The following RIMS1 variants were observed in gnomAD, a reference collection of about 807,000 sequenced individuals.
RIMS1 encodes the protein regulating synaptic membrane exocytosis 1.
RIMS1 carries 83 observed loss-of-function variants against 214.1 expected under a neutral mutation model. The ratio of observed to expected loss-of-function variants is 0.39; its 90% CI spans 0.32 to 0.47. RIMS1 has a LOEUF of 0.47. Among genes scored for constraint, RIMS1 ranks in the 20% least tolerant of loss-of-function variants. The probability of loss-of-function intolerance (pLI) is 0.99; values close to 1 mark genes in which losing one functional copy is unlikely to be tolerated. For synonymous variants in RIMS1, 793 were observed against 786.8 expected (o/e 1.01, Z -0.13); for missense variants, 2,050 against 2,161.8 (o/e 0.95, Z 1.03).
chr6:72,291,816 C>G, intron 25 of RIMS1, 118 bp from the exon 26 acceptor site: 1 of 746,492 alleles, frequency 1.3e-6, no homozygotes, highest in Non-Finnish European at 2.4e-6. Flanking sequence ...GATTCTGCTC[C>G]CATTGGCCCA....
chr6:72,200,395 G>C (rs2051730148), intron 6 of RIMS1, among the ~76,000 whole-genome samples: 1 of 152,022 alleles, frequency 6.6e-6, no homozygotes, highest in Admixed American at 6.6e-5. Flanking sequence ...CATCTGCCCT[G>C]GGCCCTTTCC....
chr6:72,063,053 T>C (rs1010492503), intron 2 of RIMS1, among the ~76,000 whole-genome samples: 3 of 151,932 alleles, frequency 2.0e-5, no homozygotes, highest in Non-Finnish European at 2.9e-5. Context: ...TTTTGGGAGG[T>C]CATAATTCAA....
At position 72,115,642 on chromosome 6, in the gene RIMS1, A is replaced by G. The variant is rs374035242; in HGVS notation, c.471+15656A>G. On this transcript the variant is annotated intron_variant, in intron 4 of 33. Coordinates refer to ENST00000521978, the MANE Select transcript of RIMS1 (RefSeq NM_014989.7). ...TGCTTTTTAATTTCAGGAAGCTAAAACTTTGTAACAAATTGTACTATGTGA... is the reference window on the plus strand; with the variant it reads ...TGCTTTTTAATTTCAGGAAGCTAAAGCTTTGTAACAAATTGTACTATGTGA... Among the ~76,000 whole-genome samples, 7 of 152,056 alleles carry G rather than the reference A, an allele frequency of 4.6e-5. No homozygotes were observed. In the South Asian group the frequency reaches 1.2e-3, roughly 27 times the overall value.
intron 18 of RIMS1, 89 bp downstream of exon 18, chr6:72,259,200 A>G (rs887973749): frequency 3.2e-5 from 34 of 1,066,512 alleles, no homozygotes; most frequent in Non-Finnish European, 4.4e-5. Flanking sequence ...ATTAGAGAGT[A>G]AAAGTATTTA....
intron 2 of RIMS1, among the ~76,000 whole-genome samples, chr6:72,083,419 T>C (rs1833901059): frequency 6.6e-6 from 1 of 152,140 alleles, no homozygotes; most frequent in African/African-American, 2.4e-5. Context: ...CCAGTGGTTG[T>C]ATCTTCTGGA....
chr6:72,081,423 C>A (rs1528504), intron 2 of RIMS1, among the ~76,000 whole-genome samples: 11 of 152,122 alleles, frequency 7.2e-5, no homozygotes, highest in African/African-American at 2.4e-4. Context: ...GAATTAAATG[C>A]GGTTCAAATT....
chr6:72,228,033 A>G (rs935677067), intron 6 of RIMS1, among the ~76,000 whole-genome samples: 2 of 151,948 alleles, frequency 1.3e-5, no homozygotes, highest in Non-Finnish European at 2.9e-5. Context: ...TATTTATTGT[A>G]TACAACTTAA....
intron 2 of RIMS1, among the ~76,000 whole-genome samples, chr6:72,007,897 C>G (rs1054126567): frequency 2.0e-5 from 3 of 152,164 alleles, no homozygotes; most frequent in African/African-American, 4.8e-5. Flanking sequence ...GGAAAACACT[C>G]TGCAGGATGT....
chr6:72,049,258 G>GT lies in RIMS1; in HGVS notation c.246-47680dup, dbSNP rs954579358. On this transcript the variant is annotated intron_variant, in intron 2 of 33. Coordinates refer to ENST00000521978, the MANE Select transcript of RIMS1 (RefSeq NM_014989.7). Reference sequence around the variant, plus strand: ...GCCTTGCCCTGTTGTGGGGAAACAAGTTTTTTTTTTTCCTTATGTGTTCAC... The same window carrying GT: ...GCCTTGCCCTGTTGTGGGGAAACAAGTTTTTTTTTTTTCCTTATGTGTTCAC... Among the ~76,000 whole-genome samples, 821 of 147,956 alleles carry GT rather than the reference G, an allele frequency of 5.5e-3. 6 individuals are homozygous for GT. Among genetic ancestry groups the GT allele is most frequent in the African/African-American group, 0.012 (505 of 40,540 alleles).
At chr6:71,889,422 G>T (rs968228889) in intron 1 of RIMS1, among the ~76,000 whole-genome samples, 223 of 152,292 alleles carry the variant, frequency 1.5e-3, no homozygotes, top group African/African-American at 5.1e-3. Flanking sequence ...CTACTGGCTT[G>T]CATATATTGT....
chr6:72,163,661 T>G lies in RIMS1; in HGVS notation c.472-15914T>G. ...GCTGGAGGTCTACTCCAGACCCTGT[T>G]TGCCTGGGTATCATCAGTGGAGGCT... On this transcript the variant is annotated intron_variant, in intron 4 of 33. Transcript: ENST00000521978. Among the ~76,000 whole-genome samples, 2 of 140,894 alleles carry G rather than the reference T, an allele frequency of 1.4e-5. 1 individual carries two copies. Among genetic ancestry groups the G allele is most frequent in the Non-Finnish European group, 3.2e-5 (2 of 62,016 alleles). The allele number at this position is 140,894 out of a possible 152,430, so 92.4% of individuals were successfully genotyped here.
At chr6:72,256,287 C>T (rs532098956) in intron 16 of RIMS1, among the ~76,000 whole-genome samples, 3 of 151,980 alleles carry the variant, frequency 2.0e-5, no homozygotes, top group Non-Finnish European at 1.5e-5. Context: ...CTTTGAGTCA[C>T]CAAAATAGTA....
chr6:72,036,398 A>G (rs1257614282), intron 2 of RIMS1, among the ~76,000 whole-genome samples: 1 of 152,142 alleles, frequency 6.6e-6, no homozygotes, highest in Non-Finnish European at 1.5e-5. Flanking sequence ...ATGTTTATTC[A>G]TGCATCCCTG....
At chr6:71,905,139 G>A (rs901877016) in intron 1 of RIMS1, among the ~76,000 whole-genome samples, 1 of 151,860 alleles carries the variant, frequency 6.6e-6, no homozygotes, top group African/African-American at 2.4e-5. Flanking sequence ...CTCTTCCTTT[G>A]GTGTGGGTGC....
chr6:72,311,060 A>G (rs941138226), intron 27 of RIMS1, among the ~76,000 whole-genome samples: 1 of 152,146 alleles, frequency 6.6e-6, no homozygotes, highest in Admixed American at 6.5e-5. Flanking sequence ...ATTTTCATAT[A>G]CATTCACATA....
rs780611745 is a variant in RIMS1, at chr6:72,196,603, T to TTTTTTTTTTA, written c.1678+13454_1678+13455insTTTTTTTTTA. ...CACTTTTTTTTTTTTTTTTTTTTTT[T>TTTTTTTTTTA]ACCTATACAGGAAATGGGTTAAAAG... On this transcript the variant is annotated intron_variant, in intron 6 of 33. Transcript: ENST00000521978. Among the ~76,000 whole-genome samples the TTTTTTTTTTA allele has an allele frequency of 3.2e-4, 42 of 132,274 alleles. 1 individual carries two copies. Among genetic ancestry groups the TTTTTTTTTTA allele is most frequent in the African/African-American group, 1.1e-3 (40 of 36,062 alleles). 86.8% of individuals were successfully genotyped at this position (132,274 alleles called of 152,430 possible).
At chr6:72,215,406 C>A (rs2055435784) in intron 6 of RIMS1, among the ~76,000 whole-genome samples, 1 of 152,184 alleles carries the variant, frequency 6.6e-6, no homozygotes, top group Admixed American at 6.6e-5. Flanking sequence ...GCAGTAACTC[C>A]TAACTACTAT....
intron 6 of RIMS1, among the ~76,000 whole-genome samples, chr6:72,215,800 C>G (rs767786896): frequency 3.3e-5 from 5 of 152,074 alleles, no homozygotes; most frequent in Non-Finnish European, 7.4e-5. Context: ...AAAAATTGTT[C>G]AAATTAGTCA....
At chr6:72,341,974 T>C (rs2097108812) in intron 29 of RIMS1, among the ~76,000 whole-genome samples, 1 of 151,870 alleles carries the variant, frequency 6.6e-6, no homozygotes, top group South Asian at 2.1e-4. Flanking sequence ...CAAACAGTTG[T>C]CAATTATGAT....
Sources: gnomAD v4.1 joint callset for allele counts (sites outside exome capture counted in the v4.1 genomes callset) on GRCh38, gnomAD v4.1.1 for gene constraint, MANE v1.5 for transcripts, NCBI Gene and HGNC (gene_info 2026-07-23, HGNC 2026-07-21) for gene names.